ABTB2: variants seen among roughly 807,000 people sequenced by gnomAD.
ABTB2 encodes the protein ankyrin repeat and BTB/POZ domain-containing protein 2.
ABTB2 carries 56 observed loss-of-function variants against 104.1 expected under a neutral mutation model. That is an observed-to-expected ratio of 0.54 (90% CI 0.43 to 0.67). The LOEUF is 0.67. ABTB2 is among the 30% of genes least tolerant of loss of function. ABTB2 has a pLI of 0.00. For synonymous variants in ABTB2, 606 were observed against 608.2 expected (o/e 1.00, Z 0.05); for missense variants, 1,279 against 1,407.7 (o/e 0.91, Z 1.46).
intron 2 of ABTB2, among the ~76,000 whole-genome samples, chr11:34,200,861 T>C (rs1853328097): frequency 6.6e-6 from 1 of 152,156 alleles, no homozygotes; most frequent in African/African-American, 2.4e-5. Flanking sequence ...AAGTGTGGTC[T>C]GTGAACCGGG....
intron 1 of ABTB2, among the ~76,000 whole-genome samples, chr11:34,332,817 T>TAA (rs571303088): frequency 1.6e-4 from 23 of 141,580 alleles, no homozygotes; most frequent in African/African-American, 5.2e-4. Flanking sequence ...TGGTTTCAGT[T>TAA]AAAAAAAAAA....
chr11:34,265,735 G>A (rs1171259942), intron 1 of ABTB2, among the ~76,000 whole-genome samples: 2 of 150,626 alleles, frequency 1.3e-5, no homozygotes, highest in Non-Finnish European at 2.9e-5. Context: ...TTAGGAGGCC[G>A]AGGTGGGTGG....
chr11:34,193,671 C>T (rs1054301783), intron 3 of ABTB2, among the ~76,000 whole-genome samples: 7 of 152,218 alleles, frequency 4.6e-5, no homozygotes, highest in South Asian at 2.1e-4. Flanking sequence ...AAAAGAAGGG[C>T]GTATGTTATC....
chr11:34,357,122 G>T lies in ABTB2; in HGVS notation c.462C>A (p.Thr154=). 3 of 1,509,862 alleles carry T rather than the reference G, an allele frequency of 2.0e-6. No homozygotes were observed. The highest frequency in any genetic ancestry group is 1.8e-6 in the Non-Finnish European group (2 of 1,134,912). 93.5% of individuals were successfully genotyped at this position (1,509,862 alleles called of 1,614,324 possible). A position where few individuals can be genotyped will look rare whatever the true frequency, so the allele number is the denominator to read the frequency against. The change falls in exon 1 of 17, where the codon ACC becomes ACA. Residue 154 remains threonine (T), a synonymous_variant. Coordinates refer to ENST00000435224, the MANE Select transcript of ABTB2 (RefSeq NM_145804.3). ...QRLSVLHAKC[T]RFEVQSAVRL... is the part of the protein sequence containing the mutation. ...GCACGGCGCTCTGCACCTCAAAGCGGGTGCACTTGGCGTGCAGCACGCTCA... is the reference window on the plus strand; with the variant it reads ...GCACGGCGCTCTGCACCTCAAAGCGTGTGCACTTGGCGTGCAGCACGCTCA...
intron 1 of ABTB2, among the ~76,000 whole-genome samples, chr11:34,270,240 C>T (rs1040900199): frequency 1.3e-5 from 2 of 152,126 alleles, no homozygotes; most frequent in African/African-American, 2.4e-5. Context: ...ACACTGGCCT[C>T]AGAAGGGTGG....
chr11:34,176,481 T>C (rs1852962570), intron 3 of ABTB2, among the ~76,000 whole-genome samples: 1 of 151,800 alleles, frequency 6.6e-6, no homozygotes, highest in African/African-American at 2.4e-5. Context: ...AGGTCCTCAA[T>C]AAATGTTCAC....
intron 4 of ABTB2, among the ~76,000 whole-genome samples, chr11:34,172,025 C>T (rs1388444396): frequency 6.6e-6 from 1 of 151,904 alleles, no homozygotes; most frequent in Non-Finnish European, 1.5e-5. Context: ...GGGGTTTGGG[C>T]CTTCCGTATG....
intron 1 of ABTB2, among the ~76,000 whole-genome samples, chr11:34,317,491 G>C (rs1385579790): frequency 6.6e-6 from 1 of 152,206 alleles, no homozygotes; most frequent in African/African-American, 2.4e-5. Flanking sequence ...ATTAAGAATG[G>C]GCCAGGCATG....
At position 34,240,473 on chromosome 11, in the gene ABTB2, A is replaced by C. The variant is rs887067329; in HGVS notation, c.884-35783T>G. On this transcript the variant is annotated intron_variant, in intron 1 of 16. Coordinates refer to ENST00000435224, the MANE Select transcript of ABTB2 (RefSeq NM_145804.3). ...CCTGACAAGGATCCCACCTGTCAGC[A>C]CTGGGAAAGCCAGAAGCAGAGAAGA... Among the ~76,000 whole-genome samples, 9 of 152,338 alleles carry C rather than the reference A, an allele frequency of 5.9e-5. No homozygotes were observed. The South Asian group carries it at 1.9e-3, about 32-fold the overall frequency.
At chr11:34,161,996 C>G (rs1852727424) in intron 10 of ABTB2, among the ~76,000 whole-genome samples, 1 of 152,108 alleles carries the variant, frequency 6.6e-6, no homozygotes, top group Admixed American at 6.6e-5. Context: ...CTCACGGTGG[C>G]CACTACGCCT....
At chr11:34,242,587 G>A (rs1184941128) in intron 1 of ABTB2, 1 of 152,282 alleles carries the variant, frequency 6.6e-6, no homozygotes, top group African/African-American at 2.4e-5. Context: ...TAGGAATGCT[G>A]TCAGAAAGTT....
At chr11:34,260,313 A>C (rs1033956779) in intron 1 of ABTB2, among the ~76,000 whole-genome samples, 1 of 152,204 alleles carries the variant, frequency 6.6e-6, no homozygotes, top group Non-Finnish European at 1.5e-5. Flanking sequence ...TGAATACAAA[A>C]TGAAGATTTT....
At chr11:34,231,346 G>A (rs1347685383) in intron 1 of ABTB2, among the ~76,000 whole-genome samples, 1 of 152,094 alleles carries the variant, frequency 6.6e-6, no homozygotes, top group Non-Finnish European at 1.5e-5. Flanking sequence ...ATTAATCTAT[G>A]CATTAATAGA....
chr11:34,242,957 C>A (rs1206081683), intron 1 of ABTB2, among the ~76,000 whole-genome samples: 1 of 152,122 alleles, frequency 6.6e-6, no homozygotes, highest in Admixed American at 6.6e-5. Context: ...CTGAGGTAAA[C>A]CAAAGCTGGG....
At chr11:34,159,153 C>G in intron 14 of ABTB2, 143 bp downstream of exon 14, 1 of 660,654 alleles carries the variant, frequency 1.5e-6, no homozygotes, top group African/African-American at 1.8e-5. Context: ...AGGGAAAGAC[C>G]TGGATGCTCT....
chr11:34,277,763 G>A (rs1042281838), intron 1 of ABTB2, among the ~76,000 whole-genome samples: 1 of 148,246 alleles, frequency 6.7e-6, no homozygotes, highest in African/African-American at 2.5e-5. Context: ...GCAAGACTCT[G>A]TCTCAAAAAC....
chr11:34,185,257 G>A (rs1454264862), intron 3 of ABTB2, among the ~76,000 whole-genome samples: 2 of 152,216 alleles, frequency 1.3e-5, no homozygotes, highest in Admixed American at 6.5e-5. Context: ...ATTCTTGACT[G>A]GCAAGCAGTG....
At chr11:34,178,707 T>C (rs1852986981) in intron 3 of ABTB2, among the ~76,000 whole-genome samples, 3 of 152,214 alleles carry the variant, frequency 2.0e-5, no homozygotes, top group Admixed American at 2.0e-4. Flanking sequence ...GCCTGCTGAA[T>C]TTTTCCTTAG....
At chr11:34,245,675 G>T (rs1650504488) in intron 1 of ABTB2, among the ~76,000 whole-genome samples, 1 of 152,148 alleles carries the variant, frequency 6.6e-6, no homozygotes, top group African/African-American at 2.4e-5. Flanking sequence ...CCACCTTCCA[G>T]ACCACGGCAC....
Sources: allele counts gnomAD v4.1 joint callset (sites outside exome capture counted in the v4.1 genomes callset), GRCh38; gene constraint gnomAD v4.1.1; transcripts MANE v1.5; gene names NCBI Gene and HGNC (gene_info 2026-07-23, HGNC 2026-07-21).